POLR3K: variants seen among roughly 807,000 people sequenced by gnomAD.
The protein encoded by POLR3K is RNA polymerase III subunit K.
A neutral mutation model predicts 13.5 loss-of-function variants in POLR3K; 11 were observed. The observed-to-expected ratio is 0.81, with a 90% CI of 0.51 to 1.35. The LOEUF (loss-of-function observed/expected upper bound fraction) is 1.35. Among genes scored for constraint, POLR3K ranks in the 40% most tolerant of loss-of-function variants. The probability of loss-of-function intolerance (pLI) is 0.00; values close to 1 mark genes in which losing one functional copy is unlikely to be tolerated. For missense variants in POLR3K, 144 were observed against 145.3 expected, an observed-to-expected ratio of 0.99 and a Z score of 0.05; for synonymous variants, 56 against 51.5, an observed-to-expected ratio of 1.09 and a Z score of -0.38.
rs370316599 is a variant in POLR3K, at chr16:47,203, G to C, written c.*227C>G. ...TTACACAGAGCATATTTAGTTATGG[G>C]TCTCTGTCTCCTCCCCACACAGAAA... is the stretch of plus-strand genomic sequence containing the variant. On this transcript the variant is annotated 3_prime_UTR_variant, in exon 3 of 3. Coordinates refer to ENST00000293860, the MANE Select transcript of POLR3K (RefSeq NM_016310.5). The C allele has an allele frequency of 2.5e-6, 1 of 398,062 alleles. No individual in the cohort carries two copies. Among genetic ancestry groups the C allele is most frequent in the East Asian group, 4.5e-5 (1 of 22,248 alleles). The allele number at this position is 398,062 out of a possible 1,614,324, so 24.7% of individuals were successfully genotyped here. A position where few individuals can be genotyped will look rare whatever the true frequency, so the allele number is the denominator to read the frequency against.
At chr16:51,692 C>A (rs775985853) in intron 1 of POLR3K, 47 bp from the exon 2 acceptor site, 1 of 1,494,214 alleles carries the variant, frequency 6.7e-7, no homozygotes, top group South Asian at 1.1e-5. Context: ...ATAGCGCAAA[C>A]CTGGGCTGCC....
At chr16:48,255 A>G (rs543394558) in intron 2 of POLR3K, among the ~76,000 whole-genome samples, 4 of 152,210 alleles carry the variant, frequency 2.6e-5, no homozygotes, top group African/African-American at 7.2e-5. Flanking sequence ...ACAAGGGTAG[A>G]TCTACAAACA....
At position 46,757 on chromosome 16, in the gene POLR3K, A is replaced by AAAT. The variant is rs1190056087; in HGVS notation, c.*670_*672dup. ...AAATAAATAAATAAAATAAATAAAT[A>AAAT]AATAAATAGTATCTTATACATTTAA... On this transcript the variant is annotated 3_prime_UTR_variant, in exon 3 of 3. Transcript: ENST00000293860. 367 of 151,832 alleles carry AAAT rather than the reference A, an allele frequency of 2.4e-3. No homozygotes were observed. The highest frequency in any genetic ancestry group is 8.5e-3 in the African/African-American group (352 of 41,456). 9.4% of individuals were successfully genotyped at this position (151,832 alleles called of 1,614,324 possible).
intron 2 of POLR3K, among the ~76,000 whole-genome samples, chr16:48,610 G>A (rs2141833317): frequency 6.6e-6 from 1 of 152,084 alleles, no homozygotes; most frequent in East Asian, 1.9e-4. Context: ...AGGAGATCGA[G>A]ACCATCCTGG....
Position 47,188 on chromosome 16 carries a change from C to A in POLR3K, c.*242G>T. The A allele has an allele frequency of 2.9e-6, 1 of 340,926 alleles. No individual in the cohort carries two copies. Among genetic ancestry groups the A allele is most frequent in the Non-Finnish European group, 5.5e-6 (1 of 182,928 alleles). The allele number at this position is 340,926 out of a possible 1,614,324, so 21.1% of individuals were successfully genotyped here. ...TGAAAGAATAGGACTTTACACAGAG[C>A]ATATTTAGTTATGGGTCTCTGTCTC... On this transcript the variant is annotated 3_prime_UTR_variant, in exon 3 of 3. Transcript: ENST00000293860.
In POLR3K at chr16:47,404, A is replaced by G. The variant is rs373618730; in HGVS notation, c.*26T>C. On this transcript the variant is annotated 3_prime_UTR_variant, in exon 3 of 3. Transcript: ENST00000293860. ...ACCCCGAGGGACAAGGCAAGCACAC[A>G]CTAGGGCAGCTGGGCCATCCTGGCC... 11 of 1,609,050 alleles carry G rather than the reference A, an allele frequency of 6.8e-6. No homozygotes were observed. The Admixed American group carries it at 1.5e-4, about 22-fold the overall frequency.
chr16:51,726 T>A (rs1046575013), intron 1 of POLR3K, 81 bp from the exon 2 acceptor site: 6 of 1,205,476 alleles, frequency 5.0e-6, no homozygotes, highest in African/African-American at 3.0e-5. Flanking sequence ...CAGGATTACA[T>A]AAGAGTTCAC....
At chr16:49,412 A>T (rs921367301) in intron 2 of POLR3K, among the ~76,000 whole-genome samples, 1 of 152,122 alleles carries the variant, frequency 6.6e-6, no homozygotes, top group African/African-American at 2.4e-5. Context: ...CACTCTTCAA[A>T]GCGATTTCAC....
chr16:49,828 C>T (rs1007538257), intron 2 of POLR3K, among the ~76,000 whole-genome samples: 4 of 151,712 alleles, frequency 2.6e-5, no homozygotes, highest in African/African-American at 7.3e-5. Flanking sequence ...TTAGTGGAGA[C>T]GGGGTTTCAC....
At chr16:47,998 C>T (rs1407777501) in intron 2 of POLR3K, among the ~76,000 whole-genome samples, 12 of 142,984 alleles carry the variant, frequency 8.4e-5, no homozygotes, top group African/African-American at 3.1e-4. Flanking sequence ...ATGTGATTCT[C>T]CTTGCCTCAG....
chr16:51,871 T>A (rs1208494624), intron 1 of POLR3K: 2 of 395,462 alleles, frequency 5.1e-6, no homozygotes, highest in African/African-American at 4.2e-5. Flanking sequence ...ATACAAAAAA[T>A]TAGCCCGGCG....
At chr16:48,736 G>C (rs11864394) in intron 2 of POLR3K, among the ~76,000 whole-genome samples, 3 of 151,718 alleles carry the variant, frequency 2.0e-5, no homozygotes, top group Non-Finnish European at 2.9e-5. Flanking sequence ...GCGTGAACCC[G>C]GGAGGCGGAG....
In POLR3K at chr16:53,514, A is replaced by T. The variant is rs764058884; in HGVS notation, c.73T>A (p.Cys25Ser). 1 of 1,612,986 alleles carries T rather than the reference A, an allele frequency of 6.2e-7. No individual in the cohort carries two copies. Residue 25 changes from cysteine (C) to serine (S), a missense_variant, in exon 1 of 3, where the codon TGC (cysteine) becomes AGC (serine). Transcript: ENST00000293860. Reference protein sequence around the residue: ...EEGQRCHRFACNTCPYVHNIT... With the variant: ...EEGQRCHRFASNTCPYVHNIT... ...TTGTGCACGTAGGGGCACGTGTTGC[A>T]GGCGAAGCGGTGGCAGCGTTGTCCC...
rs767411954 is a variant in POLR3K, at chr16:52,446, C to CAAA, written c.112-804_112-802dup. Among the ~76,000 whole-genome samples, 144 of 74,168 alleles carry CAAA rather than the reference C, an allele frequency of 1.9e-3. 10 individuals carry two copies. The highest frequency in any genetic ancestry group is 3.3e-3 in the East Asian group (8 of 2,430). 48.7% of individuals were successfully genotyped at this position (74,168 alleles called of 152,430 possible). ...TGGGAAACAGAGCGAGACTCTGTCT[C>CAAA]AAAAAAAAAAAAAAAAAAAAAAAAA... On this transcript the variant is annotated intron_variant, in intron 1 of 2. Coordinates refer to ENST00000293860, the MANE Select transcript of POLR3K (RefSeq NM_016310.5).
At chr16:51,754 C>T (rs1170809086) in intron 1 of POLR3K, 109 bp from the exon 2 acceptor site, 6 of 839,444 alleles carry the variant, frequency 7.1e-6, no homozygotes, top group Admixed American at 2.1e-5. Flanking sequence ...GGCGTGGTGG[C>T]TGACACCTGT....
At chr16:53,381 G>A (rs1897360908) in intron 1 of POLR3K, 95 bp downstream of exon 1, 1 of 1,479,722 alleles carries the variant, frequency 6.8e-7, no homozygotes, top group South Asian at 1.4e-5. Context: ...GCGGACAGAG[G>A]CAGACGCCGG....
chr16:52,765 C>CAAA lies in POLR3K; in HGVS notation c.111+708_111+710dup, dbSNP rs946489081. Among the ~76,000 whole-genome samples, 54 of 33,530 alleles carry CAAA rather than the reference C, an allele frequency of 1.6e-3. 4 individuals carry two copies. Among genetic ancestry groups the CAAA allele is most frequent in the Non-Finnish European group, 1.9e-3 (31 of 16,320 alleles). The allele number at this position is 33,530 out of a possible 152,430, so 22.0% of individuals were successfully genotyped here. A position where few individuals can be genotyped will look rare whatever the true frequency, so the allele number is the denominator to read the frequency against. On this transcript the variant is annotated intron_variant, in intron 1 of 2. Coordinates refer to ENST00000293860, the MANE Select transcript of POLR3K (RefSeq NM_016310.5). ...TGGGCGACAGAGCGGGACTCCGTCTCAAAAAAAAAAAAAAAAAAAAAAAAA... is the reference window on the plus strand; with the variant it reads ...TGGGCGACAGAGCGGGACTCCGTCTCAAAAAAAAAAAAAAAAAAAAAAAAAAAA...
intron 1 of POLR3K, chr16:51,891 G>A (rs1420099906): frequency 5.6e-6 from 2 of 355,768 alleles, no homozygotes; most frequent in East Asian, 6.9e-5. Flanking sequence ...GTGTTGGCGG[G>A]CGCCTGTAGT....
chr16:48,963 C>T (rs1464554518), intron 2 of POLR3K, among the ~76,000 whole-genome samples: 3 of 148,668 alleles, frequency 2.0e-5, no homozygotes, highest in Non-Finnish European at 4.4e-5. Flanking sequence ...ACCAGCCTAG[C>T]CAAGATGGTG....
Sources: allele counts gnomAD v4.1 joint callset (sites outside exome capture counted in the v4.1 genomes callset), GRCh38; gene constraint gnomAD v4.1.1; transcripts MANE v1.5; gene names NCBI Gene and HGNC (gene_info 2026-07-23, HGNC 2026-07-21).